The following HDAC9 variants were observed in gnomAD, a reference collection of about 807,000 sequenced individuals.
The protein encoded by HDAC9 is histone deacetylase 9.
HDAC9 carries 41 observed loss-of-function variants against 139.4 expected under a neutral mutation model. The ratio of observed to expected loss-of-function variants is 0.29; its 90% CI spans 0.23 to 0.38. The LOEUF (loss-of-function observed/expected upper bound fraction) is 0.38, where lower values mean the gene tolerates loss of function less well. HDAC9 is among the 10% of genes least tolerant of loss of function. The pLI is 1.00. For missense variants in HDAC9, 1,147 were observed against 1,297.0 expected (o/e 0.88, Z 1.78); for synonymous variants, 517 against 476.2 (o/e 1.09, Z -1.12).
intron 12 of HDAC9, chr7:18,666,692 T>A (rs1794980693): frequency 7.7e-7 from 1 of 1,295,518 alleles, no homozygotes; most frequent in Non-Finnish European, 9.9e-7. Flanking sequence ...TATCAATGTT[T>A]CATTGAAAAT....
intron 1 of HDAC9, among the ~76,000 whole-genome samples, chr7:18,155,281 A>G (rs1323522859): frequency 6.6e-6 from 1 of 152,054 alleles, no homozygotes; most frequent in Non-Finnish European, 1.5e-5. Flanking sequence ...CAGTGCAGTA[A>G]GACTTTTTGA....
chr7:18,937,735 G>T (rs1781743941), intron 23 of HDAC9, among the ~76,000 whole-genome samples: 1 of 152,176 alleles, frequency 6.6e-6, no homozygotes. Flanking sequence ...AATCAGAATA[G>T]GTTGTGGATC....
chr7:18,193,428 CAATT>C (rs962018904), intron 2 of HDAC9, among the ~76,000 whole-genome samples: 1 of 152,080 alleles, frequency 6.6e-6, no homozygotes, highest in Non-Finnish European at 1.5e-5. Context: ...ATTAGTCAAA[CAATT>C]AAATTATTCT....
intron 12 of HDAC9, among the ~76,000 whole-genome samples, chr7:18,706,022 T>C (rs1468986338): frequency 6.6e-6 from 1 of 152,010 alleles, no homozygotes; most frequent in Non-Finnish European, 1.5e-5. Flanking sequence ...CTAGGAGACC[T>C]AGATACTGAC....
At chr7:18,487,183 A>G (rs1420306667) in intron 1 of HDAC9, among the ~76,000 whole-genome samples, 1 of 152,098 alleles carries the variant, frequency 6.6e-6, no homozygotes, top group African/African-American at 2.4e-5. Flanking sequence ...GTTGAAAATA[A>G]AGGGAAAGAA....
At chr7:18,689,539 C>T (rs1385052166) in intron 12 of HDAC9, among the ~76,000 whole-genome samples, 1 of 151,980 alleles carries the variant, frequency 6.6e-6, no homozygotes, top group East Asian at 1.9e-4. Flanking sequence ...CAAGAAATTT[C>T]TCTTAACCAG....
intron 8 of HDAC9, among the ~76,000 whole-genome samples, chr7:18,638,086 C>T (rs1032019897): frequency 3.9e-5 from 6 of 151,984 alleles, no homozygotes; most frequent in African/African-American, 1.4e-4. Context: ...AAAATGGTTG[C>T]ATACTTTACC....
intron 1 of HDAC9, among the ~76,000 whole-genome samples, chr7:18,474,997 A>T (rs1795004701): frequency 6.6e-6 from 1 of 152,236 alleles, no homozygotes; most frequent in South Asian, 2.1e-4. Context: ...AGTCACAGTA[A>T]GTGTTAATAG....
intron 21 of HDAC9, among the ~76,000 whole-genome samples, chr7:18,843,447 T>C (rs1296275546): frequency 6.6e-6 from 1 of 152,130 alleles, no homozygotes; most frequent in Non-Finnish European, 1.5e-5. Flanking sequence ...AATTGTCGTG[T>C]AGTTAATGCT....
At chr7:18,923,639 G>A (rs1371617350) in intron 22 of HDAC9, among the ~76,000 whole-genome samples, 3 of 151,914 alleles carry the variant, frequency 2.0e-5, no homozygotes, top group South Asian at 4.1e-4. Flanking sequence ...AAATGTCACC[G>A]CCTTACCCGA....
At chr7:18,251,050 T>C (rs918100747) in intron 2 of HDAC9, among the ~76,000 whole-genome samples, 2 of 152,184 alleles carry the variant, frequency 1.3e-5, no homozygotes, top group Non-Finnish European at 2.9e-5. Flanking sequence ...TAAAAATACA[T>C]GCACATGTAT....
At chr7:18,409,522 C>T (rs995665778) in intron 1 of HDAC9, among the ~76,000 whole-genome samples, 1 of 152,156 alleles carries the variant, frequency 6.6e-6, no homozygotes, top group Admixed American at 6.5e-5. Flanking sequence ...CCTCTGCATT[C>T]CCTTCCCAAC....
chr7:18,339,553 G>A (rs1045284748), intron 1 of HDAC9, among the ~76,000 whole-genome samples: 5 of 151,398 alleles, frequency 3.3e-5, no homozygotes. Flanking sequence ...GCTTCATTGT[G>A]TATATGTAGT....
chr7:18,202,545 G>C (rs927874315), intron 2 of HDAC9, among the ~76,000 whole-genome samples: 1 of 152,104 alleles, frequency 6.6e-6, no homozygotes, highest in Non-Finnish European at 1.5e-5. Context: ...CCTTTTAGTA[G>C]GTTGAGGGCC....
chr7:18,419,514 C>T (rs1261638746), intron 1 of HDAC9, among the ~76,000 whole-genome samples: 1 of 148,790 alleles, frequency 6.7e-6, no homozygotes, highest in Non-Finnish European at 1.5e-5. Flanking sequence ...TTCCACTAAG[C>T]ATTTCCTGGC....
intron 2 of HDAC9, among the ~76,000 whole-genome samples, chr7:18,502,846 T>C (rs1489765509): frequency 6.6e-6 from 1 of 152,166 alleles, no homozygotes; most frequent in South Asian, 2.1e-4. Context: ...AAGCATTTAT[T>C]ATAAACGTGA....
chr7:18,615,464 A>G (rs1233289284), intron 6 of HDAC9, among the ~76,000 whole-genome samples: 1 of 152,198 alleles, frequency 6.6e-6, no homozygotes, highest in African/African-American at 2.4e-5. Flanking sequence ...GTTAAATTAA[A>G]TAATCCTTAA....
In HDAC9 at chr7:18,123,478, G is replaced by A. The variant is rs77647989; in HGVS notation, c.-97+36265G>A. ...CACAAAAGCCTATTTAAACCATATC[G>A]TACAATTTCTGCTCTAAAATCATCA... is the stretch of plus-strand genomic sequence containing the variant. On this transcript the variant is annotated intron_variant, in intron 1 of 12. Transcript: ENST00000417496. 1.8e-3 allele frequency among the ~76,000 whole-genome samples: 278 copies of A among 152,168 alleles called. 7 individuals carry two copies. In the East Asian group the frequency reaches 0.047, roughly 26 times the overall value.
intron 2 of HDAC9, among the ~76,000 whole-genome samples, chr7:18,255,196 A>C (rs916874353): frequency 1.3e-5 from 2 of 152,196 alleles, no homozygotes; most frequent in Admixed American, 1.3e-4. Context: ...AAGCAGCCAT[A>C]ACTTCCAGCA....
Sources: gnomAD v4.1 joint callset for allele counts (sites outside exome capture counted in the v4.1 genomes callset) on GRCh38, gnomAD v4.1.1 for gene constraint, MANE v1.5 for transcripts, NCBI Gene and HGNC (gene_info 2026-07-23, HGNC 2026-07-21) for gene names.